The following CPQ variants were observed in gnomAD, a reference collection of about 807,000 sequenced individuals.
CPQ encodes the protein carboxypeptidase Q, also known as Ser-Met dipeptidase.
A neutral mutation model predicts 45.7 loss-of-function variants in CPQ; 37 were observed. The ratio of observed to expected loss-of-function variants is 0.81; its 90% confidence interval spans 0.62 to 1.07. CPQ has a LOEUF of 1.07. Among genes scored for constraint, CPQ ranks in the 50% least tolerant of loss-of-function variants. The pLI is 0.00. For synonymous variants in CPQ, 186 were observed against 205.8 expected (o/e 0.90, Z 0.82); for missense variants, 537 against 572.9 (o/e 0.94, Z 0.64).
chr8:96,943,386 A>G (rs1291431002), intron 4 of CPQ, among the ~76,000 whole-genome samples: 2 of 152,182 alleles, frequency 1.3e-5, no homozygotes, highest in South Asian at 2.1e-4. Context: ...CATACAATCC[A>G]TAGATACAAT....
chr8:96,653,483 C>T (rs764424174), intron 1 of CPQ, among the ~76,000 whole-genome samples: 18 of 152,110 alleles, frequency 1.2e-4, no homozygotes, highest in East Asian at 7.7e-4. Context: ...CGGGGCTTAG[C>T]GGTGCTGACT....
intron 6 of CPQ, among the ~76,000 whole-genome samples, chr8:97,043,880 T>A (rs1475486582): frequency 6.6e-6 from 1 of 152,250 alleles, no homozygotes; most frequent in African/African-American, 2.4e-5. Flanking sequence ...CTTCCCTTTG[T>A]GGGTAACCCG....
chr8:96,748,368 C>A (rs887724321), intron 1 of CPQ, among the ~76,000 whole-genome samples: 3 of 151,972 alleles, frequency 2.0e-5, no homozygotes, highest in African/African-American at 7.2e-5. Context: ...AAATTTTTAC[C>A]CACATCCAGC....
At chr8:96,900,915 T>C (rs1812504632) in intron 4 of CPQ, among the ~76,000 whole-genome samples, 1 of 152,192 alleles carries the variant, frequency 6.6e-6, no homozygotes. Flanking sequence ...AAATATCTTG[T>C]CTTCATGAGA....
chr8:96,955,297 G>C (rs1447300054), intron 4 of CPQ, among the ~76,000 whole-genome samples: 1 of 152,116 alleles, frequency 6.6e-6, no homozygotes, highest in African/African-American at 2.4e-5. Context: ...ATTCTAACTG[G>C]TGTGAGATGG....
At chr8:96,869,181 C>T (rs1279091570) in intron 3 of CPQ, among the ~76,000 whole-genome samples, 1 of 151,872 alleles carries the variant, frequency 6.6e-6, no homozygotes, top group Non-Finnish European at 1.5e-5. Flanking sequence ...TTTTGTTAAT[C>T]ATATTTTGGC....
intron 5 of CPQ, among the ~76,000 whole-genome samples, chr8:96,974,943 T>C (rs956321368): frequency 4.0e-5 from 6 of 151,898 alleles, no homozygotes; most frequent in Non-Finnish European, 7.4e-5. Context: ...CCTAAGGTCA[T>C]GCCTCATGGA....
intron 1 of CPQ, among the ~76,000 whole-genome samples, chr8:96,737,247 ACACAC>A: frequency 7.0e-6 from 1 of 143,764 alleles, no homozygotes; most frequent in Admixed American, 6.9e-5. Context: ...ACACACACAC[ACACAC>A]ACAAAAAAAA....
At chr8:96,831,107 A>G (rs1166347357) in intron 2 of CPQ, among the ~76,000 whole-genome samples, 1 of 152,164 alleles carries the variant, frequency 6.6e-6, no homozygotes, top group African/African-American at 2.4e-5. Flanking sequence ...ATCATCATCA[A>G]TTATTCTACC....
intron 4 of CPQ, among the ~76,000 whole-genome samples, chr8:96,915,509 G>A (rs947327795): frequency 6.6e-6 from 1 of 152,124 alleles, no homozygotes; most frequent in Non-Finnish European, 1.5e-5. Flanking sequence ...GAGCAAATGA[G>A]CTACATCTCT....
Position 96,913,578 on chromosome 8 carries a change from A to T in CPQ, c.849+33573A>T, listed in dbSNP as rs1432464043. ...ATTAAAAGCTTTCAAGCTTTATTGGATGATAGTTTCTAATTCCCCTTCTAG... is the reference window on the plus strand; with the variant it reads ...ATTAAAAGCTTTCAAGCTTTATTGGTTGATAGTTTCTAATTCCCCTTCTAG... On this transcript the variant is annotated intron_variant, in intron 4 of 7. Coordinates refer to ENST00000220763, the MANE Select transcript of CPQ (RefSeq NM_016134.4). Among the ~76,000 whole-genome samples, 3 of 152,194 alleles carry T rather than the reference A, an allele frequency of 2.0e-5. No homozygotes were observed. In the East Asian group the frequency reaches 5.8e-4, roughly 29 times the overall value.
chr8:97,128,896 A>T (rs1811891957), intron 7 of CPQ, among the ~76,000 whole-genome samples: 1 of 152,202 alleles, frequency 6.6e-6, no homozygotes, highest in African/African-American at 2.4e-5. Context: ...GTTCTTTCCC[A>T]GTCCTGATTA....
intron 4 of CPQ, among the ~76,000 whole-genome samples, chr8:96,911,463 A>C (rs1812663984): frequency 1.3e-5 from 2 of 152,146 alleles, no homozygotes; most frequent in African/African-American, 2.4e-5. Context: ...CCTCATCCAA[A>C]TAAGAAGTCC....
intron 2 of CPQ, among the ~76,000 whole-genome samples, chr8:96,803,573 C>T (rs1357957924): frequency 1.3e-5 from 2 of 152,026 alleles, no homozygotes; most frequent in African/African-American, 4.8e-5. Context: ...TAGCTGAAGC[C>T]AGTAATGAGT....
At chr8:96,763,453 A>G (rs1018961644) in intron 1 of CPQ, among the ~76,000 whole-genome samples, 6 of 152,148 alleles carry the variant, frequency 3.9e-5, no homozygotes, top group African/African-American at 9.6e-5. Flanking sequence ...CTATTTGTCT[A>G]TCTTTGCTCT....
chr8:96,688,808 C>T (rs1219097949), intron 1 of CPQ, among the ~76,000 whole-genome samples: 1 of 151,986 alleles, frequency 6.6e-6, no homozygotes, highest in Non-Finnish European at 1.5e-5. Context: ...AACTGAAAAG[C>T]CATCTAGTGG....
At chr8:97,045,458 G>A (rs981262934) in intron 6 of CPQ, among the ~76,000 whole-genome samples, 17 of 152,216 alleles carry the variant, frequency 1.1e-4, no homozygotes, top group African/African-American at 2.2e-4. Context: ...GCAATGCCTC[G>A]CCCTCCTTCA....
intron 5 of CPQ, among the ~76,000 whole-genome samples, chr8:96,990,439 G>C (rs1809067478): frequency 1.3e-5 from 2 of 152,154 alleles, no homozygotes; most frequent in Admixed American, 1.3e-4. Context: ...TGGACTCCCA[G>C]CTTGTTGAAG....
At chr8:96,721,366 G>T (rs1279785850) in intron 1 of CPQ, among the ~76,000 whole-genome samples, 2 of 151,922 alleles carry the variant, frequency 1.3e-5, no homozygotes, top group East Asian at 3.9e-4. Context: ...GTCTTACACT[G>T]CCCCCTTCCC....
Sources: allele counts gnomAD v4.1 joint callset (sites outside exome capture counted in the v4.1 genomes callset), GRCh38; gene constraint gnomAD v4.1.1; transcripts MANE v1.5; gene names NCBI Gene and HGNC (gene_info 2026-07-23, HGNC 2026-07-21).